The following PHKA2 variants were observed in gnomAD, a reference collection of about 807,000 sequenced individuals.
PHKA2 encodes phosphorylase kinase regulatory subunit alpha 2.
A neutral mutation model predicts 102.0 loss-of-function variants in PHKA2; 31 were observed. The observed-to-expected ratio is 0.30, with a 90% CI of 0.23 to 0.41. PHKA2 has a LOEUF of 0.41. Ranked by LOEUF, PHKA2 falls within the 10% of genes least tolerant of loss-of-function variation. The pLI is 1.00. For missense variants in PHKA2, 858 were observed against 1,023.1 expected (o/e 0.84, Z 2.20); for synonymous variants, 455 against 416.2 (o/e 1.09, Z -1.13).
intron 3 of PHKA2, among the ~76,000 whole-genome samples, chrX:18,952,210 G>T (rs1191796841): frequency 4.1e-5 from 4 of 96,399 alleles, no homozygotes; most frequent in Non-Finnish European, 8.2e-5. Flanking sequence ...AAAAAAAAAG[G>T]CCAGGTGAAT....
chrX:18,962,403 C>T (rs755871751), intron 1 of PHKA2, among the ~76,000 whole-genome samples: 1 of 112,016 alleles, frequency 8.9e-6, no homozygotes, highest in Admixed American at 9.5e-5. Flanking sequence ...ACATTGGGCT[C>T]ACATGTTTCA....
At chrX:18,928,204 G>A (rs965755748) in intron 13 of PHKA2, among the ~76,000 whole-genome samples, 3 of 111,541 alleles carry the variant, frequency 2.7e-5, no homozygotes, top group Non-Finnish European at 5.7e-5. Context: ...GGTCCTTGAG[G>A]GAGTGGGTTA....
rs989498301 is a variant in PHKA2, at chrX:18,942,499, C to G, written c.718-824G>C. On this transcript the variant is annotated intron_variant, in intron 7 of 32. Transcript: ENST00000379942. ...ACAGAACTAGGATTCTAACTCAGGC[C>G]CAGCTGGCTGCAAAGCTCACGCATT... 3.6e-5 allele frequency among the ~76,000 whole-genome samples: 4 copies of G among 111,067 alleles called. No individual in the cohort carries two copies. In the East Asian group the frequency reaches 1.1e-3, roughly 31 times the overall value.
In PHKA2 at chrX:18,899,192, G is replaced by C; in HGVS notation, c.3092C>G (p.Ala1031Gly). Residue 1031 changes from alanine (A) to glycine (G), a missense_variant, in exon 29 of 33, where the codon GCG becomes GGG. Physicochemically the swap from Ala to Gly is moderately conservative, Grantham distance 60 (BLOSUM62 0). Coordinates refer to ENST00000379942, the MANE Select transcript of PHKA2 (RefSeq NM_000292.3). ...FSVGQAASSS[A>G]HSSKSARSST... is the part of the protein sequence containing the mutation. ...TGTTACCGCAGACTTGGAGGAATGC[G>C]CACTGCTGGACGCGGCCTGGCCCAC... 1.7e-6 allele frequency: 2 copies of C among 1,209,747 alleles called. No homozygotes were observed. Among genetic ancestry groups the C allele is most frequent in the Non-Finnish European group, 2.2e-6 (2 of 893,637 alleles).
chrX:18,910,733 C>T, intron 20 of PHKA2, 139 bp downstream of exon 20: 2 of 436,834 alleles, frequency 4.6e-6, no homozygotes, highest in Non-Finnish European at 8.5e-6. Flanking sequence ...CACCCAAGCC[C>T]AGAGCTTCTA....
At chrX:18,911,172 ATTTTT>A (rs201671901) in intron 19 of PHKA2, among the ~76,000 whole-genome samples, 1 of 96,758 alleles carries the variant, frequency 1.0e-5, no homozygotes, top group Admixed American at 1.1e-4. Flanking sequence ...CGCCCAGCTA[ATTTTT>A]TTTTTTTTTT....
intron 11 of PHKA2, among the ~76,000 whole-genome samples, chrX:18,932,566 A>T (rs893771839): frequency 7.3e-5 from 8 of 110,170 alleles, no homozygotes; most frequent in African/African-American, 2.6e-4. Context: ...ATATTTAGTA[A>T]AATTTAAAAT....
chrX:18,918,323 A>G (rs1329764737), intron 19 of PHKA2, among the ~76,000 whole-genome samples: 1 of 112,720 alleles, frequency 8.9e-6, no homozygotes, highest in Non-Finnish European at 1.9e-5. Context: ...ACATACAATG[A>G]TATAAAGAGT....
intron 5 of PHKA2, among the ~76,000 whole-genome samples, chrX:18,945,708 C>T (rs976341976): frequency 9.0e-6 from 1 of 111,123 alleles, no homozygotes; most frequent in East Asian, 2.8e-4. Context: ...ATTTACAAAC[C>T]GATTACTAGG....
intron 19 of PHKA2, among the ~76,000 whole-genome samples, chrX:18,913,407 C>T (rs1368108896): frequency 3.6e-5 from 4 of 110,892 alleles, no homozygotes; most frequent in Non-Finnish European, 7.6e-5. Flanking sequence ...AAAATATTTT[C>T]TTTCTTTTTT....
At chrX:18,929,169 G>T in intron 13 of PHKA2, 59 bp downstream of exon 13, 1 of 809,465 alleles carries the variant, frequency 1.2e-6, no homozygotes, top group Non-Finnish European at 1.8e-6. Flanking sequence ...GCAACAATTT[G>T]AATTAAAATA....
chrX:18,952,691 A>G (rs1037645067), intron 2 of PHKA2, 150 bp from the exon 3 acceptor site: 3 of 517,419 alleles, frequency 5.8e-6, no homozygotes, highest in Admixed American at 5.5e-5. Context: ...CTGATGGTTC[A>G]TGTCCTCTCC....
intron 27 of PHKA2, 110 bp from the exon 28 acceptor site, chrX:18,900,809 G>A: frequency 1.6e-6 from 1 of 642,954 alleles, no homozygotes; most frequent in Non-Finnish European, 2.6e-6. Flanking sequence ...AACCGCAGGG[G>A]GTGACCCATG....
chrX:18,968,736 T>G (rs2048978558), intron 1 of PHKA2, among the ~76,000 whole-genome samples: 2 of 112,423 alleles, frequency 1.8e-5, no homozygotes, highest in Admixed American at 1.9e-4. Context: ...ACCAATCTCA[T>G]CAGAAAAGTT....
intron 1 of PHKA2, among the ~76,000 whole-genome samples, chrX:18,979,665 T>C (rs1366115222): frequency 1.8e-5 from 2 of 112,035 alleles, no homozygotes; most frequent in Non-Finnish European, 3.8e-5. Flanking sequence ...TTTCATTCTT[T>C]GCATTAAAGA....
intron 1 of PHKA2, among the ~76,000 whole-genome samples, chrX:18,972,843 T>C (rs2049034542): frequency 1.8e-5 from 2 of 111,943 alleles, no homozygotes; most frequent in South Asian, 3.7e-4. Flanking sequence ...ATCTGTTACA[T>C]GGGGGCACAA....
intron 19 of PHKA2, among the ~76,000 whole-genome samples, chrX:18,914,406 A>G (rs988329250): frequency 8.9e-6 from 1 of 112,472 alleles, no homozygotes; most frequent in East Asian, 2.8e-4. Flanking sequence ...GACACAAGGC[A>G]ACCAATTCCC....
At chrX:18,971,405 T>C (rs2064787291) in intron 1 of PHKA2, among the ~76,000 whole-genome samples, 1 of 112,349 alleles carries the variant, frequency 8.9e-6, no homozygotes, top group Non-Finnish European at 1.9e-5. Context: ...TATAGAAATA[T>C]ATAAAATTAC....
intron 22 of PHKA2, 95 bp from the exon 23 acceptor site, chrX:18,907,192 A>G: frequency 1.6e-6 from 1 of 631,039 alleles, no homozygotes; most frequent in Admixed American, 2.6e-5. Flanking sequence ...TGCCAATCAG[A>G]TCGTACATTT....
Sources: gnomAD v4.1 joint callset for allele counts (sites outside exome capture counted in the v4.1 genomes callset) on GRCh38, gnomAD v4.1.1 for gene constraint, MANE v1.5 for transcripts, NCBI Gene and HGNC (gene_info 2026-07-23, HGNC 2026-07-21) for gene names.